The following GNA14 variants were observed in gnomAD, a reference collection of about 807,000 sequenced individuals.
GNA14 encodes G protein subunit alpha 14, also known as guanine nucleotide-binding protein subunit alpha-14.
Under a neutral mutation model 42.0 loss-of-function variants are expected in GNA14, and 50 were observed. The observed-to-expected ratio is 1.19, with a 90% CI of 0.95 to 1.51. The LOEUF (loss-of-function observed/expected upper bound fraction) is 1.51. Ranked by LOEUF, GNA14 falls within the 40% of genes most tolerant of loss-of-function variation. The probability of loss-of-function intolerance (pLI) is 0.00; values close to 1 mark genes in which losing one functional copy is unlikely to be tolerated. For missense variants in GNA14, 473 were observed against 446.2 expected (o/e 1.06, Z -0.54); for synonymous variants, 173 against 163.1 (o/e 1.06, Z -0.46).
At chr9:77,506,112 T>A (rs1012082003) in intron 2 of GNA14, among the ~76,000 whole-genome samples, 1 of 149,596 alleles carries the variant, frequency 6.7e-6, no homozygotes, top group African/African-American at 2.5e-5. Context: ...AAAAAAAAAA[T>A]AATTAAATCA....
intron 2 of GNA14, among the ~76,000 whole-genome samples, chr9:77,527,651 G>C (rs938723319): frequency 6.6e-6 from 1 of 152,040 alleles, no homozygotes; most frequent in African/African-American, 2.4e-5. Context: ...TTTGTTTTTT[G>C]AGACGGAGTT....
intron 1 of GNA14, among the ~76,000 whole-genome samples, chr9:77,589,049 T>C (rs1823348363): frequency 5.3e-5 from 8 of 152,222 alleles, no homozygotes. Flanking sequence ...TTCCATTTCA[T>C]ACAGACCCTT....
chr9:77,427,067 CAG>C (rs1440533886), intron 5 of GNA14, among the ~76,000 whole-genome samples: 1 of 152,134 alleles, frequency 6.6e-6, no homozygotes, highest in East Asian at 1.9e-4. Flanking sequence ...GAAAACTTCC[CAG>C]ACAGTATACA....
chr9:77,528,598 G>A (rs781587632), intron 2 of GNA14, among the ~76,000 whole-genome samples: 5 of 152,082 alleles, frequency 3.3e-5, no homozygotes, highest in Non-Finnish European at 7.3e-5. Flanking sequence ...CCATCACTTA[G>A]TTCCCAAGAA....
At chr9:77,524,421 G>A (rs911980144) in intron 2 of GNA14, among the ~76,000 whole-genome samples, 3 of 152,136 alleles carry the variant, frequency 2.0e-5, no homozygotes, top group Non-Finnish European at 1.5e-5. Context: ...ATAAGAAAAT[G>A]TTCCCAGCTC....
At chr9:77,571,567 G>A (rs1190715439) in intron 1 of GNA14, among the ~76,000 whole-genome samples, 1 of 152,082 alleles carries the variant, frequency 6.6e-6, no homozygotes, top group Non-Finnish European at 1.5e-5. Flanking sequence ...TTGGGAAGCC[G>A]AGGCGGGCAG....
chr9:77,647,926 T>C lies in GNA14; in HGVS notation c.-133A>G. 1 of 1,082,836 alleles carries C rather than the reference T, an allele frequency of 9.2e-7. No homozygotes were observed. Among genetic ancestry groups the C allele is most frequent in the Non-Finnish European group, 1.3e-6 (1 of 763,788 alleles). The allele number at this position is 1,082,836 out of a possible 1,614,324, so 67.1% of individuals were successfully genotyped here. A position where few individuals can be genotyped will look rare whatever the true frequency, so the allele number is the denominator to read the frequency against. ...AAAAGACGGGGGCCGACTTGAGCTT[T>C]GGAGTAAGACGCCTGGACCTCCGAG... On this transcript the variant is annotated 5_prime_UTR_variant, in exon 1 of 7. Transcript: ENST00000341700.
chr9:77,459,431 C>T (rs971155889), intron 2 of GNA14, among the ~76,000 whole-genome samples: 5 of 151,964 alleles, frequency 3.3e-5, no homozygotes, highest in African/African-American at 4.8e-5. Context: ...AGCAAAATGA[C>T]GCCTGGCCTC....
At chr9:77,646,870 T>C (rs746445378) in intron 1 of GNA14, among the ~76,000 whole-genome samples, 1 of 152,240 alleles carries the variant, frequency 6.6e-6, no homozygotes, top group Non-Finnish European at 1.5e-5. Flanking sequence ...TGAAAGTGGA[T>C]GTCCTACCCA....
chr9:77,472,157 A>G (rs2131721789), intron 2 of GNA14, among the ~76,000 whole-genome samples: 1 of 152,294 alleles, frequency 6.6e-6, no homozygotes, highest in East Asian at 1.9e-4. Flanking sequence ...TTTAGAGATA[A>G]AATACCCTTG....
chr9:77,439,171 G>A (rs1835686554), intron 2 of GNA14, among the ~76,000 whole-genome samples: 2 of 152,198 alleles, frequency 1.3e-5, no homozygotes, highest in Admixed American at 1.3e-4. Context: ...ATGGCTGGTG[G>A]AGAGAGTGGC....
At chr9:77,537,110 G>A (rs773091592) in intron 1 of GNA14, among the ~76,000 whole-genome samples, 2 of 151,954 alleles carry the variant, frequency 1.3e-5, no homozygotes, top group Non-Finnish European at 2.9e-5. Flanking sequence ...TAGCTACTTT[G>A]AGTATACAAT....
chr9:77,587,129 A>C (rs79762669), intron 1 of GNA14, among the ~76,000 whole-genome samples: 15 of 148,930 alleles, frequency 1.0e-4, no homozygotes, highest in Non-Finnish European at 1.6e-4. Flanking sequence ...TAAAAAAAAA[A>C]GAAAAGAAAA....
At chr9:77,591,949 C>T (rs534686302) in intron 1 of GNA14, among the ~76,000 whole-genome samples, 2 of 145,272 alleles carry the variant, frequency 1.4e-5, no homozygotes, top group African/African-American at 2.6e-5. Context: ...GAGTCTCGCT[C>T]TGTCACCTAG....
At chr9:77,546,215 CAAAAAA>C (rs764378681) in intron 1 of GNA14, among the ~76,000 whole-genome samples, 2 of 42,916 alleles carry the variant, frequency 4.7e-5, no homozygotes, top group East Asian at 6.2e-4. Context: ...AGCTCCATCT[CAAAAAA>C]AAAAAAAAAA....
chr9:77,559,911 T>A (rs963356584), intron 1 of GNA14, among the ~76,000 whole-genome samples: 1 of 152,204 alleles, frequency 6.6e-6, no homozygotes, highest in African/African-American at 2.4e-5. Flanking sequence ...AACCAGGCGG[T>A]GGTGAGTATA....
chr9:77,631,922 T>C (rs1250510356), intron 1 of GNA14, among the ~76,000 whole-genome samples: 1 of 152,050 alleles, frequency 6.6e-6, no homozygotes, highest in Non-Finnish European at 1.5e-5. Context: ...CCCTTCTGAG[T>C]TGGGGTGGAA....
intron 2 of GNA14, among the ~76,000 whole-genome samples, chr9:77,515,047 A>G (rs1459125850): frequency 2.6e-5 from 4 of 152,162 alleles, no homozygotes; most frequent in Non-Finnish European, 5.9e-5. Context: ...CCACAATCCA[A>G]TAGGGAGAGG....
At chr9:77,489,374 G>C (rs944826015) in intron 2 of GNA14, among the ~76,000 whole-genome samples, 12 of 152,170 alleles carry the variant, frequency 7.9e-5, no homozygotes, top group Admixed American at 5.9e-4. Flanking sequence ...AAAAATAACA[G>C]AAAACTCCAA....
Sources: gnomAD v4.1 joint callset for allele counts (sites outside exome capture counted in the v4.1 genomes callset) on GRCh38, gnomAD v4.1.1 for gene constraint, MANE v1.5 for transcripts, NCBI Gene and HGNC (gene_info 2026-07-23, HGNC 2026-07-21) for gene names.